MVB12B: variants seen among roughly 807,000 people sequenced by gnomAD.
MVB12B encodes the protein multivesicular body subunit 12B.
A neutral mutation model predicts 41.6 loss-of-function variants in MVB12B; 16 were observed. That is an observed-to-expected ratio of 0.38 (90% CI 0.26 to 0.58). The LOEUF (loss-of-function observed/expected upper bound fraction) is 0.58. Ranked by LOEUF, MVB12B falls within the 20% of genes least tolerant of loss-of-function variation. The probability of loss-of-function intolerance (pLI) is 0.62; values close to 1 mark genes in which losing one functional copy is unlikely to be tolerated. For missense variants in MVB12B, 274 were observed against 380.2 expected, an observed-to-expected ratio of 0.72 and a Z score of 2.32; for synonymous variants, 133 against 139.7, an observed-to-expected ratio of 0.95 and a Z score of 0.34.
At chr9:126,489,288 A>C (rs1833682944) in intron 9 of MVB12B, among the ~76,000 whole-genome samples, 1 of 152,204 alleles carries the variant, frequency 6.6e-6, no homozygotes, top group African/African-American at 2.4e-5. Flanking sequence ...GCCCTGGGGC[A>C]TGTTCCCAGG....
At position 126,447,249 on chromosome 9, in the gene MVB12B, CTT is replaced by C. The variant is rs72294122; in HGVS notation, c.757+25315_757+25316del. On this transcript the variant is annotated intron_variant, in intron 7 of 9. Coordinates refer to ENST00000361171, the MANE Select transcript of MVB12B (RefSeq NM_033446.3). ...CATGAACCACACTGCCCCCAGCCAC[CTT>C]TTTTTTTTTTTTTAACTTTCTATTT... Among the ~76,000 whole-genome samples, 397 of 140,082 alleles carry C rather than the reference CTT, an allele frequency of 2.8e-3. 3 individuals carry two copies. Among genetic ancestry groups the C allele is most frequent in the African/African-American group, 8.5e-3 (326 of 38,506 alleles). 91.9% of individuals were successfully genotyped at this position (140,082 alleles called of 152,430 possible). A position where few individuals can be genotyped will look rare whatever the true frequency, so the allele number is the denominator to read the frequency against.
At chr9:126,393,910 G>A (rs899835372) in intron 5 of MVB12B, among the ~76,000 whole-genome samples, 13 of 152,224 alleles carry the variant, frequency 8.5e-5, no homozygotes, top group Admixed American at 4.6e-4. Context: ...GCCCAGAGCC[G>A]CCTTTGTATC....
At chr9:126,334,972 T>C (rs1416050890) in intron 1 of MVB12B, among the ~76,000 whole-genome samples, 1 of 152,208 alleles carries the variant, frequency 6.6e-6, no homozygotes, top group Non-Finnish European at 1.5e-5. Context: ...ATGCAAAATC[T>C]GTTTGGTAAT....
chr9:126,475,230 GC>G (rs1833398344), intron 7 of MVB12B, among the ~76,000 whole-genome samples: 1 of 152,138 alleles, frequency 6.6e-6, no homozygotes, highest in Non-Finnish European at 1.5e-5. Context: ...TTTGTAGACT[GC>G]CCACCTCGGC....
rs1185489447 is a variant in MVB12B at position 126,391,492 on chromosome 9, T to C, written c.410-574T>C. 6.6e-6 allele frequency among the ~76,000 whole-genome samples: 1 copy of C among 152,228 alleles called. No homozygotes were observed. The highest frequency in any genetic ancestry group is 6.5e-5 in the Admixed American group (1 of 15,282). On this transcript the variant is annotated intron_variant, in intron 4 of 9. Coordinates refer to ENST00000361171, the MANE Select transcript of MVB12B (RefSeq NM_033446.3). This position sits in a 1 kb window ranked among gnomAD's most constrained non-coding sequence, Gnocchi z 4.4. Reference sequence around the variant, plus strand: ...GGAATGGTGATGGCATGGTGGTCTTTAAAGAACAGTGTCCTGGATGCCTAC... The same window carrying C: ...GGAATGGTGATGGCATGGTGGTCTTCAAAGAACAGTGTCCTGGATGCCTAC...
chr9:126,340,393 G>C lies in MVB12B; in HGVS notation c.82-115G>C. ...GGTCAGGACTCATTCAACCAGTACA[G>C]GTATGTGAAACTCAGGGTATTTGCC... On this transcript the variant is annotated intron_variant, in intron 1 of 9. Coordinates refer to ENST00000361171, the MANE Select transcript of MVB12B (RefSeq NM_033446.3). The surrounding 1 kb of genome is among the most constrained non-coding windows in gnomAD (Gnocchi z 4.0). 8.5e-7 allele frequency: 1 copy of C among 1,171,388 alleles called. No homozygotes were observed. Among genetic ancestry groups the C allele is most frequent in the South Asian group, 1.4e-5 (1 of 72,594 alleles). The allele number at this position is 1,171,388 out of a possible 1,614,324, so 72.6% of individuals were successfully genotyped here.
At chr9:126,378,327 G>A (rs1365410049) in intron 2 of MVB12B, among the ~76,000 whole-genome samples, 2 of 152,242 alleles carry the variant, frequency 1.3e-5, no homozygotes, top group East Asian at 1.9e-4. Flanking sequence ...CCTGACTTGG[G>A]ATGGGAAGAA....
At chr9:126,491,531 C>A (rs1230524253) in intron 9 of MVB12B, among the ~76,000 whole-genome samples, 2 of 152,126 alleles carry the variant, frequency 1.3e-5, no homozygotes, top group Non-Finnish European at 2.9e-5. Context: ...TGCCTTTTCT[C>A]TGCCTATGAG....
intron 7 of MVB12B, among the ~76,000 whole-genome samples, chr9:126,449,282 G>A (rs940789094): frequency 3.9e-5 from 6 of 152,202 alleles, no homozygotes; most frequent in African/African-American, 7.2e-5. Context: ...TGCAGAAGTC[G>A]GATGTGCTGG....
intron 1 of MVB12B, among the ~76,000 whole-genome samples, chr9:126,331,591 T>C (rs577266175): frequency 6.6e-6 from 1 of 152,228 alleles, no homozygotes; most frequent in Non-Finnish European, 1.5e-5. Flanking sequence ...TTGATTGCCT[T>C]TTGCTGCAAA....
chr9:126,496,383 C>T (rs1040454912), intron 9 of MVB12B, among the ~76,000 whole-genome samples: 1 of 142,934 alleles, frequency 7.0e-6, no homozygotes, highest in African/African-American at 2.6e-5. Flanking sequence ...TCAGCCACTA[C>T]CTATCCACCC....
chr9:126,347,709 T>C (rs1829637312), intron 2 of MVB12B, among the ~76,000 whole-genome samples: 1 of 152,242 alleles, frequency 6.6e-6, no homozygotes, highest in African/African-American at 2.4e-5. Context: ...CTTGCATTTT[T>C]ATATAGTGCT....
intron 7 of MVB12B, among the ~76,000 whole-genome samples, chr9:126,437,582 C>T (rs1210023450): frequency 3.3e-5 from 5 of 152,130 alleles, no homozygotes; most frequent in East Asian, 1.9e-4. Flanking sequence ...GACAGAAAAC[C>T]GGAGACAGTT....
intron 6 of MVB12B, among the ~76,000 whole-genome samples, chr9:126,421,591 T>A (rs562224941): frequency 6.6e-6 from 1 of 152,294 alleles, no homozygotes; most frequent in Non-Finnish European, 1.5e-5. Context: ...GCTGTAAGGC[T>A]TGGGACACAC....
intron 5 of MVB12B, among the ~76,000 whole-genome samples, chr9:126,393,288 C>T (rs1831012385): frequency 6.6e-6 from 1 of 152,222 alleles, no homozygotes; most frequent in Admixed American, 6.5e-5. Context: ...AAGGCCGGCA[C>T]TGGGTTCTGG....
intron 8 of MVB12B, among the ~76,000 whole-genome samples, chr9:126,481,913 C>T (rs1833531296): frequency 6.6e-6 from 1 of 152,272 alleles, no homozygotes; most frequent in African/African-American, 2.4e-5. Context: ...GTCATAGCTG[C>T]ATTCTGCGCT....
intron 9 of MVB12B, among the ~76,000 whole-genome samples, chr9:126,494,388 T>A (rs1175213082): frequency 6.6e-6 from 1 of 152,156 alleles, no homozygotes; most frequent in Non-Finnish European, 1.5e-5. Flanking sequence ...GCATTCATCA[T>A]ATGAATAAGA....
chr9:126,366,601 T>G (rs1228272540), intron 2 of MVB12B, among the ~76,000 whole-genome samples: 3 of 152,234 alleles, frequency 2.0e-5, no homozygotes, highest in African/African-American at 7.2e-5. Context: ...AGTATTTTCT[T>G]AGATCATCGG....
chr9:126,502,235 A>C (rs939716817), intron 9 of MVB12B, among the ~76,000 whole-genome samples: 11 of 151,928 alleles, frequency 7.2e-5, no homozygotes, highest in Non-Finnish European at 1.6e-4. Context: ...CCCAGCCCCA[A>C]CGCCTTGCAC....
Sources: gnomAD v4.1 joint callset for allele counts (sites outside exome capture counted in the v4.1 genomes callset) on GRCh38, gnomAD v4.1.1 for gene constraint, Gnocchi (gnomAD v3.1) non-coding constraint, MANE v1.5 for transcripts, NCBI Gene and HGNC (gene_info 2026-07-23, HGNC 2026-07-21) for gene names.